Variants in COL4A2 observed in about 807,000 individuals in gnomAD.
COL4A2 encodes the protein collagen type IV alpha 2 chain.
COL4A2 carries 99 observed loss-of-function variants against 200.2 expected under a neutral mutation model. The observed-to-expected ratio is 0.49, with a 90% CI of 0.42 to 0.58. The LOEUF (loss-of-function observed/expected upper bound fraction) is 0.58. Ranked by LOEUF, COL4A2 falls within the 20% of genes least tolerant of loss-of-function variation. The pLI is 0.00. For missense variants in COL4A2, 1,950 were observed against 2,314.1 expected (o/e 0.84, Z 3.23); for synonymous variants, 897 against 900.6 (o/e 1.00, Z 0.07).
At chr13:110,502,957 T>C (rs532141235) in intron 41 of COL4A2, 164 bp from the exon 42 acceptor site, 50 of 667,270 alleles carry the variant, frequency 7.5e-5, no homozygotes, top group Non-Finnish European at 1.2e-4. Context: ...GTAACTTTTA[T>C]GTTCTACGTA....
intron 45 of COL4A2, among the ~76,000 whole-genome samples, 150 bp from the exon 46 acceptor site, chr13:110,506,257 ACTCTCTCT>A (rs10558706): frequency 5.5e-4 from 65 of 117,430 alleles, no homozygotes; most frequent in African/African-American, 2.1e-3. Context: ...CAGGCCGTCC[ACTCTCTCT>A]CTCTCTCTCT....
intron 4 of COL4A2, among the ~76,000 whole-genome samples, chr13:110,420,401 G>T (rs1026518397): frequency 2.0e-5 from 3 of 152,162 alleles, no homozygotes; most frequent in Non-Finnish European, 4.4e-5. Flanking sequence ...CCTCTACATG[G>T]TCTGGTGGTG....
At position 110,329,848 on chromosome 13, in the gene COL4A2, C is replaced by T. The variant is rs141765488; in HGVS notation, c.99+21725C>T. Among the ~76,000 whole-genome samples the T allele has an allele frequency of 6.5e-4, 99 of 152,244 alleles. 1 individual carries two copies. Among genetic ancestry groups the T allele is most frequent in the Non-Finnish European group, 8.2e-4 (56 of 68,014 alleles). On this transcript the variant is annotated intron_variant, in intron 3 of 47. Transcript: ENST00000360467. ...CGGCACTGGCAGGAGGAGAGAAAAA[C>T]GCCCAGTGATGGCTCAGCACACCCA...
intron 4 of COL4A2, among the ~76,000 whole-genome samples, chr13:110,385,317 A>G (rs1878645531): frequency 6.6e-6 from 1 of 152,218 alleles, no homozygotes; most frequent in Non-Finnish European, 1.5e-5. Context: ...GGGCTTAGAA[A>G]TCTGAGGCTG....
At chr13:110,496,979 G>T (rs1883481509) in intron 40 of COL4A2, among the ~76,000 whole-genome samples, 1 of 146,304 alleles carries the variant, frequency 6.8e-6, no homozygotes, top group Non-Finnish European at 1.5e-5. Context: ...CTCAGTTGGG[G>T]TGAGGATCTA....
intron 16 of COL4A2, among the ~76,000 whole-genome samples, chr13:110,445,155 T>C (rs1436561415): frequency 6.6e-6 from 1 of 152,056 alleles, no homozygotes; most frequent in Non-Finnish European, 1.5e-5. Context: ...CCAGCAGAGA[T>C]TTTTTTTAAT....
rs1391601292 is a variant in COL4A2 at position 110,502,399 on chromosome 13, G to A, written c.3877+615G>A. On this transcript the variant is annotated intron_variant, in intron 41 of 47. Coordinates refer to ENST00000360467, the MANE Select transcript of COL4A2 (RefSeq NM_001846.4). ...GAGTGCAGTGGCACGATCTTAGCTC[G>A]CTGCAATCTCCGCCTCCCGGGTTCA... Among the ~76,000 whole-genome samples, 9 of 152,116 alleles carry A rather than the reference G, an allele frequency of 5.9e-5. No homozygotes were observed. In the South Asian group the frequency reaches 6.2e-4, roughly 11 times the overall value.
chr13:110,450,491 A>T (rs770226946), intron 20 of COL4A2, 37 bp downstream of exon 20: 14 of 1,608,442 alleles, frequency 8.7e-6, no homozygotes, highest in Non-Finnish European at 1.2e-5. Flanking sequence ...GTGTAGCCTA[A>T]TGTTCAGATG....
chr13:110,349,230 A>G (rs1341702271), intron 3 of COL4A2, among the ~76,000 whole-genome samples: 3 of 152,144 alleles, frequency 2.0e-5, no homozygotes, highest in Non-Finnish European at 2.9e-5. Flanking sequence ...TTAGTGTCCT[A>G]AATATAAGGA....
At chr13:110,358,309 T>G (rs1167482226) in intron 4 of COL4A2, among the ~76,000 whole-genome samples, 7 of 152,130 alleles carry the variant, frequency 4.6e-5, no homozygotes, top group Non-Finnish European at 1.0e-4. Flanking sequence ...GTCTTTCACC[T>G]CCACATCTTG....
intron 4 of COL4A2, among the ~76,000 whole-genome samples, chr13:110,379,687 G>A (rs1878386747): frequency 6.6e-6 from 1 of 152,168 alleles, no homozygotes; most frequent in Non-Finnish European, 1.5e-5. Flanking sequence ...GGAAGTGCGG[G>A]CTGCTGGGCA....
chr13:110,470,758 C>G (rs2139510115), intron 28 of COL4A2, among the ~76,000 whole-genome samples: 1 of 152,306 alleles, frequency 6.6e-6, no homozygotes, highest in East Asian at 1.9e-4. Context: ...CCCTGCCCCT[C>G]CCCTGACCTC....
intron 18 of COL4A2, among the ~76,000 whole-genome samples, chr13:110,447,482 G>A (rs1371014920): frequency 1.3e-5 from 2 of 152,082 alleles, no homozygotes; most frequent in African/African-American, 4.8e-5. Context: ...CCAAATTGGC[G>A]AGATCATATG....
intron 4 of COL4A2, among the ~76,000 whole-genome samples, chr13:110,400,067 C>T (rs747329409): frequency 2.0e-5 from 3 of 151,642 alleles, no homozygotes; most frequent in Non-Finnish European, 4.4e-5. Context: ...GATTCCTGAA[C>T]TTTAACAAAG....
intron 4 of COL4A2, among the ~76,000 whole-genome samples, chr13:110,378,547 G>A (rs2139408321): frequency 6.6e-6 from 1 of 152,344 alleles, no homozygotes; most frequent in African/African-American, 2.4e-5. Context: ...GCCAAATCAG[G>A]AGGCCTTTTA....
chr13:110,392,757 C>T (rs1272482124), intron 4 of COL4A2, among the ~76,000 whole-genome samples: 1 of 152,218 alleles, frequency 6.6e-6, no homozygotes, highest in East Asian at 1.9e-4. Flanking sequence ...TGGAAACCAT[C>T]TGGTCTGCTG....
intron 4 of COL4A2, among the ~76,000 whole-genome samples, chr13:110,424,382 T>G (rs1433805607): frequency 7.1e-6 from 1 of 139,950 alleles, no homozygotes; most frequent in Middle Eastern, 3.7e-3. Context: ...TTGAGGAAAA[T>G]AGAGATAAAA....
chr13:110,404,543 G>C (rs1171187276), intron 4 of COL4A2, among the ~76,000 whole-genome samples: 2 of 152,160 alleles, frequency 1.3e-5, no homozygotes, highest in Non-Finnish European at 2.9e-5. Context: ...GGTGCCGGGA[G>C]TGTAATACAA....
intron 34 of COL4A2, 146 bp downstream of exon 34, chr13:110,485,982 C>G: frequency 7.6e-7 from 1 of 1,312,070 alleles, no homozygotes; most frequent in Non-Finnish European, 1.0e-6. Context: ...GTCCACACAG[C>G]CCTGGAAGGA....
Sources: gnomAD v4.1 joint callset for allele counts (sites outside exome capture counted in the v4.1 genomes callset) on GRCh38, gnomAD v4.1.1 for gene constraint, MANE v1.5 for transcripts, NCBI Gene and HGNC (gene_info 2026-07-23, HGNC 2026-07-21) for gene names.